SPATA7: variants seen among roughly 807,000 people sequenced by gnomAD.
SPATA7 encodes spermatogenesis-associated protein 7.
Under a neutral mutation model 51.8 loss-of-function variants are expected in SPATA7, and 43 were observed. The observed-to-expected ratio is 0.83, with a 90% CI of 0.65 to 1.07. SPATA7 has a LOEUF of 1.07. Among genes scored for constraint, SPATA7 ranks in the 50% least tolerant of loss-of-function variants. The probability of loss-of-function intolerance (pLI) is 0.00; values close to 1 mark genes in which losing one functional copy is unlikely to be tolerated. For synonymous variants in SPATA7, 230 were observed against 252.8 expected (o/e 0.91, Z 0.86); for missense variants, 683 against 701.3 (o/e 0.97, Z 0.30).
intron 5 of SPATA7, among the ~76,000 whole-genome samples, chr14:88,418,074 T>A (rs1429647701): frequency 6.6e-6 from 1 of 152,218 alleles, no homozygotes; most frequent in Non-Finnish European, 1.5e-5. Context: ...CATACTATTC[T>A]CTTAATCTCT....
At position 88,416,908 on chromosome 14, in the gene SPATA7, C is replaced by A; in HGVS notation, c.372+64C>A. Reference sequence around the variant, plus strand: ...TAAGGTACTTCTTTAGTGGTACAATCTGACTTTGTTTACTATAGTTTAGGG... The same window carrying A: ...TAAGGTACTTCTTTAGTGGTACAATATGACTTTGTTTACTATAGTTTAGGG... On this transcript the variant is annotated intron_variant, in intron 5 of 11. Coordinates refer to ENST00000393545, the MANE Select transcript of SPATA7 (RefSeq NM_018418.5). 14 of 1,421,478 alleles carry A rather than the reference C, an allele frequency of 9.8e-6. No individual in the cohort carries two copies. The South Asian group carries it at 1.7e-4, about 17-fold the overall frequency. The allele number at this position is 1,421,478 out of a possible 1,614,324, so 88.1% of individuals were successfully genotyped here.
At chr14:88,412,001 C>T (rs73321888) in intron 4 of SPATA7, among the ~76,000 whole-genome samples, 5,355 of 152,024 alleles carry the variant, frequency 0.035, 303 homozygotes, top group African/African-American at 0.12. Flanking sequence ...TGTGTAATTC[C>T]TTTTTCCCCG....
intron 5 of SPATA7, among the ~76,000 whole-genome samples, chr14:88,425,638 C>A (rs564763372): frequency 6.6e-6 from 1 of 152,012 alleles, no homozygotes; most frequent in Non-Finnish European, 1.5e-5. Flanking sequence ...CAAAATGCCT[C>A]CCTTTTCATA....
intron 4 of SPATA7, chr14:88,414,878 G>A (rs57464519): frequency 0.028 from 5,395 of 191,724 alleles, 310 homozygotes; most frequent in African/African-American, 0.12. Context: ...AGTACTCTTG[G>A]TATTGATTTC....
Position 88,469,781 on chromosome 14 carries a change from G to T in SPATA7, c.255-66G>T. ...AATGACTCGAGATCCGGCAATGGAT[G>T]CCTTTCTCACATAGACGGCACATCT... is the stretch of plus-strand genomic sequence containing the variant. On this transcript the variant is annotated intron_variant, in intron 4 of 4. Coordinates refer to the SPATA7 transcript ENST00000556406. The surrounding 1 kb of genome is among the most constrained non-coding windows in gnomAD (Gnocchi z 4.3). The T allele has an allele frequency of 6.2e-7, 1 of 1,602,366 alleles. No individual in the cohort carries two copies. Among genetic ancestry groups the T allele is most frequent in the Non-Finnish European group, 8.6e-7 (1 of 1,169,460 alleles).
chr14:88,441,234 A>T (rs1188844896), downstream of SPATA7, among the ~76,000 whole-genome samples: 2 of 152,036 alleles, frequency 1.3e-5, no homozygotes, highest in Non-Finnish European at 2.9e-5. Flanking sequence ...CATTTTCATT[A>T]TCCACTTGTT....
intron 6 of SPATA7, among the ~76,000 whole-genome samples, chr14:88,427,060 G>T (rs556946002): frequency 2.6e-5 from 4 of 152,158 alleles, no homozygotes; most frequent in Non-Finnish European, 5.9e-5. Flanking sequence ...TAAAAGTGGC[G>T]AAACAATGGG....
chr14:88,415,534 AAAAT>A (rs1426703249), intron 4 of SPATA7, among the ~76,000 whole-genome samples: 1 of 151,738 alleles, frequency 6.6e-6, no homozygotes, highest in Non-Finnish European at 1.5e-5. Flanking sequence ...TTTAAATAAA[AAAAT>A]TAAAAAGTGG....
chr14:88,450,312 T>C (rs1261500906), intron 3 of SPATA7, among the ~76,000 whole-genome samples: 1 of 152,122 alleles, frequency 6.6e-6, no homozygotes, highest in Non-Finnish European at 1.5e-5. Flanking sequence ...AGTATTGAGA[T>C]GTGAGGTACT....
Position 88,396,868 on chromosome 14 carries a change from C to CT in SPATA7, c.238+671dup, listed in dbSNP as rs1261739206. Among the ~76,000 whole-genome samples, 177 of 101,184 alleles carry CT rather than the reference C, an allele frequency of 1.7e-3. 5 individuals carry two copies. The highest frequency in any genetic ancestry group is 4.9e-3 in the African/African-American group (174 of 35,604). 66.4% of individuals were successfully genotyped at this position (101,184 alleles called of 152,430 possible). A position where few individuals can be genotyped will look rare whatever the true frequency, so the allele number is the denominator to read the frequency against. ...CTACCATACTATTTTCTTTTCTTTT[C>CT]TTTTTTCTTTTTTTTTTTTTGAGAC... is the stretch of plus-strand genomic sequence containing the variant. On this transcript the variant is annotated intron_variant, in intron 4 of 11. Coordinates refer to ENST00000393545, the MANE Select transcript of SPATA7 (RefSeq NM_018418.5).
intron 4 of SPATA7, among the ~76,000 whole-genome samples, chr14:88,465,425 C>G (rs557818178): frequency 6.6e-6 from 1 of 152,226 alleles, no homozygotes; most frequent in Admixed American, 6.5e-5. Flanking sequence ...CGAGATCATG[C>G]CACTGCACTG....
At chr14:88,414,597 G>T in intron 4 of SPATA7, 1 of 332,932 alleles carries the variant, frequency 3.0e-6, no homozygotes. Flanking sequence ...ACTAGCTTTG[G>T]GATTAGTTCT....
At chr14:88,436,612 A>G (rs994524589) in intron 10 of SPATA7, among the ~76,000 whole-genome samples, 3 of 152,100 alleles carry the variant, frequency 2.0e-5, no homozygotes, top group African/African-American at 7.2e-5. Flanking sequence ...GTGGTGAGAG[A>G]TAGGGGTCTA....
At chr14:88,400,768 G>A (rs2076034713) in intron 4 of SPATA7, among the ~76,000 whole-genome samples, 1 of 152,146 alleles carries the variant, frequency 6.6e-6, no homozygotes, top group Non-Finnish European at 1.5e-5. Flanking sequence ...CCAGGAGGTG[G>A]AGGTTGCAGT....
downstream of SPATA7, among the ~76,000 whole-genome samples, chr14:88,440,976 C>A (rs772555416): frequency 1.3e-4 from 20 of 152,024 alleles, no homozygotes; most frequent in South Asian, 2.1e-4. Context: ...TCCCTCACTC[C>A]CCGCCTACCC....
At chr14:88,389,181 C>T (rs1411581846) in intron 1 of SPATA7, among the ~76,000 whole-genome samples, 1 of 151,458 alleles carries the variant, frequency 6.6e-6, no homozygotes, top group Non-Finnish European at 1.5e-5. Flanking sequence ...TGAATTAAAT[C>T]GTCTTATTTC....
intron 8 of SPATA7, among the ~76,000 whole-genome samples, chr14:88,429,943 T>C (rs1003284794): frequency 2.1e-5 from 3 of 140,890 alleles, no homozygotes; most frequent in Non-Finnish European, 3.1e-5. Context: ...TCTCTCTCTG[T>C]TGTCCAGGCT....
intron 11 of SPATA7, 57 bp downstream of exon 11, chr14:88,437,654 G>T (rs1007134769): frequency 1.5e-5 from 22 of 1,459,910 alleles, no homozygotes; most frequent in African/African-American, 9.9e-5. Flanking sequence ...TAATTGTATG[G>T]TTTTTTTCAT....
chr14:88,420,603 G>A (rs1031172042), intron 5 of SPATA7, among the ~76,000 whole-genome samples: 11 of 152,078 alleles, frequency 7.2e-5, no homozygotes, highest in Non-Finnish European at 1.5e-4. Flanking sequence ...GAAAACCTTA[G>A]CATTTACAAA....
Sources: gnomAD v4.1 joint callset for allele counts (sites outside exome capture counted in the v4.1 genomes callset) on GRCh38, gnomAD v4.1.1 for gene constraint, Gnocchi (gnomAD v3.1) non-coding constraint, MANE v1.5 for transcripts, NCBI Gene and HGNC (gene_info 2026-07-23, HGNC 2026-07-21) for gene names.